The following SHISA4 variants were observed in gnomAD, a reference collection of about 807,000 sequenced individuals.
The protein encoded by SHISA4 is shisa family member 4.
Under a neutral mutation model 24.2 loss-of-function variants are expected in SHISA4, and 16 were observed. The observed-to-expected ratio is 0.66, with a 90% CI of 0.45 to 1.00. SHISA4 has a LOEUF of 1.00. Among genes scored for constraint, SHISA4 ranks in the 50% least tolerant of loss-of-function variants. SHISA4 has a pLI of 0.00. For synonymous variants in SHISA4, 106 were observed against 105.4 expected, an observed-to-expected ratio of 1.01 and a Z score of -0.04; for missense variants, 238 against 258.9, an observed-to-expected ratio of 0.92 and a Z score of 0.55.
chr1:201,890,961 G>A (rs1681082789), intron 3 of SHISA4, among the ~76,000 whole-genome samples: 1 of 152,166 alleles, frequency 6.6e-6, no homozygotes, highest in African/African-American at 2.4e-5. Context: ...GGCAAAATAT[G>A]TGCCTGAGTG....
chr1:201,891,863 C>T lies in SHISA4; in HGVS notation c.*17C>T. ...GGAGCCTGAGGAACCAGCCATGTCT[C>T]TGCTGCCCCTTCAGTGATGCCAACC... is the stretch of plus-strand genomic sequence containing the variant. On this transcript the variant is annotated 3_prime_UTR_variant, in exon 5 of 5. Transcript: ENST00000362011. 3 of 1,613,880 alleles carry T rather than the reference C, an allele frequency of 1.9e-6. No individual in the cohort carries two copies. Among genetic ancestry groups the T allele is most frequent in the East Asian group, 4.5e-5 (2 of 44,876 alleles).
Position 201,891,787 on chromosome 1 carries a change from CTT to C in SHISA4, c.548-11_548-10del. ...GCCACCACTCACCCTCATCCTGTCTCTTTGGCTTTCAGCTCCTCCTCCCTATA... is the reference window on the plus strand; with the variant it reads ...GCCACCACTCACCCTCATCCTGTCTCTGGCTTTCAGCTCCTCCTCCCTATA... On this transcript the variant is annotated splice_polypyrimidine_tract_variant and intron_variant, in intron 4 of 4. Coordinates refer to ENST00000362011, the MANE Select transcript of SHISA4 (RefSeq NM_198149.3). 1.2e-6 allele frequency: 2 copies of C among 1,614,126 alleles called. No homozygotes were observed. The highest frequency in any genetic ancestry group is 1.7e-6 in the Non-Finnish European group (2 of 1,180,002).
Position 201,889,023 on chromosome 1 carries a change from C to T in SHISA4, c.29C>T (p.Ala10Val). ...CCACCCGCGGGGCTCCGCCGGGCCG[C>T]GCCGCTCACCGCAATCGCTCTGTTG... MPPAGLRRAAPLTAIALLVL... is the reference protein window; with the variant it reads MPPAGLRRAVPLTAIALLVL... The change falls in exon 1 of 5, where the codon GCG (alanine) becomes GTG (valine). Residue 10 changes from alanine to valine, a missense_variant. Physicochemically the swap from Ala to Val is moderately conservative, Grantham distance 64 (BLOSUM62 0). Transcript: ENST00000362011. 1.1e-5 allele frequency: 15 copies of T among 1,380,108 alleles called. No homozygotes were observed. Among genetic ancestry groups the T allele is most frequent in the Non-Finnish European group, 1.4e-5 (15 of 1,067,398 alleles). 85.5% of individuals were successfully genotyped at this position (1,380,108 alleles called of 1,614,324 possible). A position where few individuals can be genotyped will look rare whatever the true frequency, so the allele number is the denominator to read the frequency against.
chr1:201,890,707 C>A, intron 3 of SHISA4, 120 bp downstream of exon 3: 2 of 1,339,192 alleles, frequency 1.5e-6, no homozygotes, highest in Non-Finnish European at 2.0e-6. Flanking sequence ...TATACACACA[C>A]CTGCCAGCAT....
At position 201,889,034 on chromosome 1, in the gene SHISA4, G is replaced by A. The variant is rs1681040260; in HGVS notation, c.40G>A (p.Ala14Thr). The A allele has an allele frequency of 1.5e-6, 2 of 1,378,302 alleles. No homozygotes were observed. The highest frequency in any genetic ancestry group is 1.8e-5 in the South Asian group (1 of 55,102). 85.4% of individuals were successfully genotyped at this position (1,378,302 alleles called of 1,614,324 possible). Residue 14 changes from alanine to threonine, a missense_variant, in exon 1 of 5, where the codon GCA (alanine) becomes ACA (threonine). Physicochemically the swap from Ala to Thr is moderately conservative, Grantham distance 58. Coordinates refer to ENST00000362011, the MANE Select transcript of SHISA4 (RefSeq NM_198149.3). ...GCTCCGCCGGGCCGCGCCGCTCACC[G>A]CAATCGCTCTGTTGGTGCTGGGGGC... is the stretch of plus-strand genomic sequence containing the variant. ...AGLRRAAPLT[A>T]IALLVLGAPL...
At chr1:201,889,701 C>T in intron 2 of SHISA4, 85 bp downstream of exon 2, 2 of 1,493,864 alleles carry the variant, frequency 1.3e-6, no homozygotes, top group East Asian at 2.3e-5. Context: ...ACTCCTGCCT[C>T]CTCCGTTGTC....
In SHISA4 at chr1:201,889,055, G is replaced by T; in HGVS notation, c.61G>T (p.Gly21Trp). 2.9e-6 allele frequency: 4 copies of T among 1,393,796 alleles called. No homozygotes were observed. The highest frequency in any genetic ancestry group is 1.5e-5 in the African/African-American group (1 of 66,734). 86.3% of individuals were successfully genotyped at this position (1,393,796 alleles called of 1,614,324 possible). A position where few individuals can be genotyped will look rare whatever the true frequency, so the allele number is the denominator to read the frequency against. Residue 21 changes from glycine (G) to tryptophan (W), a missense_variant, in exon 1 of 5, where the codon GGG (glycine) becomes TGG (tryptophan). Coordinates refer to ENST00000362011, the MANE Select transcript of SHISA4 (RefSeq NM_198149.3). ...CACCGCAATCGCTCTGTTGGTGCTG[G>T]GGGCTCCCCTGGGTAAGGGGATGGG... ...PLTAIALLVL[G>W]APLVLAGEDC...
Position 201,890,568 on chromosome 1 carries a change from G to A in SHISA4, c.360G>A (p.Gln120=). The A allele has an allele frequency of 6.2e-7, 1 of 1,614,232 alleles. No individual in the cohort carries two copies. The highest frequency in any genetic ancestry group is 8.5e-7 in the Non-Finnish European group (1 of 1,180,036). Residue 120 remains glutamine, a synonymous_variant, in exon 3 of 5, where the codon CAG becomes CAA. Coordinates refer to ENST00000362011, the MANE Select transcript of SHISA4 (RefSeq NM_198149.3). ...SCCYLYRRRQ[Q]LQSPFEGQEI... The stretch of plus-strand genomic sequence containing the variant: ...GCTACCTGTACCGCCGGCGCCAGCA[G>A]CTCCAGAGCCCATTTGAAGGTACAC...
Position 201,891,908 on chromosome 1 carries a change from TG to T in SHISA4, c.*63del. Reference sequence around the variant, plus strand: ...CCAACCTTGGGAGATGCCCTCATCCTGTACCTGCATCTGGTCCTGGGGGTGG... The same window carrying T: ...CCAACCTTGGGAGATGCCCTCATCCTTACCTGCATCTGGTCCTGGGGGTGG... On this transcript the variant is annotated 3_prime_UTR_variant, in exon 5 of 5. Coordinates refer to ENST00000362011, the MANE Select transcript of SHISA4 (RefSeq NM_198149.3). 6.3e-7 allele frequency: 1 copy of T among 1,587,330 alleles called. No individual in the cohort carries two copies. Among genetic ancestry groups the T allele is most frequent in the Non-Finnish European group, 8.7e-7 (1 of 1,155,990 alleles).
At position 201,891,834 on chromosome 1, in the gene SHISA4, C is replaced by G; in HGVS notation, c.582C>G (p.Tyr194Ter). ...CCTATATGCCACCACAGCCCTCTTACCCGGGAGCCTGAGGAACCAGCCATG... is the reference window on the plus strand; with the variant it reads ...CCTATATGCCACCACAGCCCTCTTAGCCGGGAGCCTGAGGAACCAGCCATG... Reference protein sequence around the residue: ...PPPYMPPQPSYPGA With the variant: ...PPPYMPPQPS The change falls in exon 5 of 5, where the codon TAC becomes TAG. Residue 194 changes from tyrosine to a stop codon, truncating the protein, a stop_gained. Coordinates refer to ENST00000362011, the MANE Select transcript of SHISA4 (RefSeq NM_198149.3). LOFTEE classifies it high-confidence loss of function. 1 of 1,614,114 alleles carries G rather than the reference C, an allele frequency of 6.2e-7. No homozygotes were observed. The highest frequency in any genetic ancestry group is 8.5e-7 in the Non-Finnish European group (1 of 1,179,986).
In SHISA4 at chr1:201,891,531, A is replaced by C; in HGVS notation, c.510A>C (p.Pro170=). 6.2e-7 allele frequency: 1 copy of C among 1,612,520 alleles called. No individual in the cohort carries two copies. The highest frequency in any genetic ancestry group is 8.5e-7 in the Non-Finnish European group (1 of 1,179,568). Residue 170 remains proline (P), a synonymous_variant, in exon 4 of 5, where the codon CCA becomes CCC. Coordinates refer to ENST00000362011, the MANE Select transcript of SHISA4 (RefSeq NM_198149.3). ...YPPSGPAPQY[P]LYPAGPPVYN... is the part of the protein sequence containing the mutation. ...CTAGTGGTCCTGCTCCCCAATATCC[A>C]CTCTACCCAGCTGGGCCCCCAGTCT...
chr1:201,889,234 C>T, intron 1 of SHISA4, 167 bp downstream of exon 1: 1 of 917,442 alleles, frequency 1.1e-6, no homozygotes, highest in Non-Finnish European at 1.6e-6. Context: ...CTCCAGGATG[C>T]TGGGCCATGG....
At chr1:201,889,681 T>A in intron 2 of SHISA4, 65 bp downstream of exon 2, 1 of 1,570,046 alleles carries the variant, frequency 6.4e-7, no homozygotes, top group African/African-American at 1.3e-5. Flanking sequence ...CTCCTCTTCC[T>A]CCCTCCCGGA....
chr1:201,889,673 C>T, intron 2 of SHISA4, 57 bp downstream of exon 2: 1 of 1,580,514 alleles, frequency 6.3e-7, no homozygotes, highest in Non-Finnish European at 8.7e-7. Context: ...CCAGAGGCCT[C>T]CTCTTCCTCC....
At chr1:201,890,379 G>A in intron 2 of SHISA4, 75 bp from the exon 3 acceptor site, 1 of 1,561,988 alleles carries the variant, frequency 6.4e-7, no homozygotes, top group Non-Finnish European at 8.7e-7. Context: ...CTGCTGGCCA[G>A]GAGTTGGAGC....
At position 201,890,642 on chromosome 1, in the gene SHISA4, A is replaced by G. The variant is rs886512393; in HGVS notation, c.379+55A>G. On this transcript the variant is annotated intron_variant, in intron 3 of 4. Coordinates refer to ENST00000362011, the MANE Select transcript of SHISA4 (RefSeq NM_198149.3). ...CAGATGGGCTGGGCTAAGTCCAATA[A>G]TGGGCAGCAGAGAGTTCATGGATTG... 16 of 1,599,454 alleles carry G rather than the reference A, an allele frequency of 1.0e-5. No homozygotes were observed. The African/African-American group carries it at 2.1e-4, about 21-fold the overall frequency.
At chr1:201,890,419 G>T in intron 2 of SHISA4, 35 bp from the exon 3 acceptor site, 3 of 1,611,986 alleles carry the variant, frequency 1.9e-6, no homozygotes, top group Non-Finnish European at 2.5e-6. Flanking sequence ...TCCTATGAGT[G>T]TTGGAAGGTG....
Position 201,889,455 on chromosome 1 carries a change from C to T in SHISA4, c.84C>T (p.Gly28=), listed in dbSNP as rs1371923467. 2.6e-5 allele frequency: 42 copies of T among 1,613,038 alleles called. 2 individuals carry two copies. Among genetic ancestry groups the T allele is most frequent in the Middle Eastern group, 3.3e-4 (2 of 6,062 alleles). The part of the protein sequence containing the change: ...LVLGAPLVLA[G]EDCLWYLDRN... ...AATCCCTGCCCGCAGTGCTGGCCGG[C>T]GAGGACTGCCTGTGGTACCTGGACC... Residue 28 remains glycine (G), a synonymous_variant, in exon 2 of 5, where the codon GGC becomes GGT. Coordinates refer to ENST00000362011, the MANE Select transcript of SHISA4 (RefSeq NM_198149.3).
chr1:201,891,724 T>C, intron 4 of SHISA4, 76 bp from the exon 5 acceptor site: 1 of 1,581,882 alleles, frequency 6.3e-7, no homozygotes, highest in Non-Finnish European at 8.7e-7. Context: ...GGGTCCTGTC[T>C]GCCCCGGGGG....
Sources: gnomAD v4.1 joint callset for allele counts (sites outside exome capture counted in the v4.1 genomes callset) on GRCh38, gnomAD v4.1.1 for gene constraint, MANE v1.5 for transcripts, NCBI Gene and HGNC (gene_info 2026-07-23, HGNC 2026-07-21) for gene names.